Variants in RMND1 observed in about 807,000 individuals in gnomAD.
RMND1 encodes the protein required for meiotic nuclear division 1 homolog.
A neutral mutation model predicts 54.0 loss-of-function variants in RMND1; 41 were observed. That is an observed-to-expected ratio of 0.76 (90% CI 0.59 to 0.98). The LOEUF is 0.98. Ranked by LOEUF, RMND1 falls within the 50% of genes least tolerant of loss-of-function variation. The pLI is 0.00. For missense variants in RMND1, 457 were observed against 532.0 expected, an observed-to-expected ratio of 0.86 and a Z score of 1.39; for synonymous variants, 183 against 181.7, an observed-to-expected ratio of 1.01 and a Z score of -0.06.
intron 1 of RMND1, among the ~76,000 whole-genome samples, chr6:151,450,545 C>G (rs1447916574): frequency 6.8e-6 from 1 of 147,472 alleles, no homozygotes; most frequent in South Asian, 2.2e-4. Context: ...GTCAGCCCCC[C>G]GCCCGGCCAG....
intron 6 of RMND1, among the ~76,000 whole-genome samples, 166 bp from the exon 7 acceptor site, chr6:151,423,797 GT>G (rs1780218365): frequency 6.6e-6 from 1 of 151,240 alleles, no homozygotes; most frequent in South Asian, 2.1e-4. Context: ...CTTTCTAGGA[GT>G]TTATCCTAAG....
chr6:151,426,417 AT>A (rs986259815), intron 6 of RMND1, among the ~76,000 whole-genome samples: 4 of 151,966 alleles, frequency 2.6e-5, no homozygotes, highest in Admixed American at 6.6e-5. Flanking sequence ...TTGCCTACCC[AT>A]TTATCTTAGT....
chr6:151,437,155 A>G (rs917783344), intron 2 of RMND1, among the ~76,000 whole-genome samples: 1 of 152,218 alleles, frequency 6.6e-6, no homozygotes, highest in East Asian at 1.9e-4. Context: ...GTGTCTATAT[A>G]AAATACAGAT....
intron 1 of RMND1, among the ~76,000 whole-genome samples, chr6:151,451,794 T>G (rs949366014): frequency 7.9e-5 from 12 of 152,156 alleles, no homozygotes; most frequent in African/African-American, 2.9e-4. Flanking sequence ...AATTATTTTA[T>G]CGATTTCTAC....
At chr6:151,425,443 G>T (rs1452137006) in intron 6 of RMND1, among the ~76,000 whole-genome samples, 1 of 150,808 alleles carries the variant, frequency 6.6e-6, no homozygotes, top group Non-Finnish European at 1.5e-5. Flanking sequence ...TGTGTGTGTG[G>T]ATAAGCGTAC....
At chr6:151,450,814 GA>G (rs1427574979) in intron 1 of RMND1, among the ~76,000 whole-genome samples, 1 of 152,188 alleles carries the variant, frequency 6.6e-6, no homozygotes, top group Non-Finnish European at 1.5e-5. Flanking sequence ...TGTCTGTGTA[GA>G]AAGAAGTAGA....
At chr6:151,415,134 C>T (rs192252607) in intron 10 of RMND1, among the ~76,000 whole-genome samples, 1 of 151,674 alleles carries the variant, frequency 6.6e-6, no homozygotes, top group Non-Finnish European at 1.5e-5. Flanking sequence ...ATACAACAGA[C>T]TTTGCTTTTC....
At chr6:151,450,059 CCTGGCCCCCCATCGT>C (rs1266166747) in intron 1 of RMND1, among the ~76,000 whole-genome samples, 19 of 152,284 alleles carry the variant, frequency 1.2e-4, no homozygotes, top group Admixed American at 7.8e-4. Context: ...GCAGCCTCTG[CCTGGCCCCCCATCGT>C]CTGGGACGTG....
rs1430670090 is a variant in RMND1 at position 151,445,347 on chromosome 6, C to T, written c.465G>A (p.Gln155=). 1.2e-6 allele frequency: 2 copies of T among 1,613,120 alleles called. No homozygotes were observed. Among genetic ancestry groups the T allele is most frequent in the African/African-American group, 1.3e-5 (1 of 74,836 alleles). The change falls in exon 2 of 12, where the codon CAG becomes CAA. Residue 155 remains glutamine (Q), a synonymous_variant. Coordinates refer to ENST00000444024, the MANE Select transcript of RMND1 (RefSeq NM_017909.4). ...GAACTGGAAGGTTGGTCCTGGATGG[C>T]TGTCTGGTCCTGGATGCTTTTAGTG... ...KRPLKASRTR[Q]PSRTNLPVLS...
intron 9 of RMND1, among the ~76,000 whole-genome samples, 189 bp from the exon 10 acceptor site, chr6:151,417,588 T>C (rs1042340954): frequency 6.6e-6 from 1 of 152,020 alleles, no homozygotes; most frequent in Non-Finnish European, 1.5e-5. Flanking sequence ...ACTCCTGGGC[T>C]CAAGCTGTTC....
At chr6:151,450,148 C>T (rs1331399533) in intron 1 of RMND1, among the ~76,000 whole-genome samples, 1 of 121,888 alleles carries the variant, frequency 8.2e-6, no homozygotes, top group Non-Finnish European at 1.7e-5. Flanking sequence ...GGCCGCCATC[C>T]CATCTAGGAA....
At chr6:151,429,801 A>G (rs1275111347) in intron 5 of RMND1, among the ~76,000 whole-genome samples, 1 of 152,226 alleles carries the variant, frequency 6.6e-6, no homozygotes, top group Non-Finnish European at 1.5e-5. Flanking sequence ...AGACAACTTG[A>G]CTTAAAAGAA....
intron 10 of RMND1, among the ~76,000 whole-genome samples, chr6:151,410,333 G>A (rs1163942823): frequency 6.6e-6 from 1 of 152,080 alleles, no homozygotes; most frequent in Non-Finnish European, 1.5e-5. Flanking sequence ...GGGATTACAG[G>A]CATGAGCCAC....
chr6:151,407,831 C>T (rs1649756353), intron 10 of RMND1, among the ~76,000 whole-genome samples: 1 of 151,980 alleles, frequency 6.6e-6, no homozygotes, highest in African/African-American at 2.4e-5. Context: ...AGTGTGAACC[C>T]AGCCGGGAGG....
chr6:151,436,082 GCAA>G (rs1780597826), intron 3 of RMND1, among the ~76,000 whole-genome samples: 1 of 146,770 alleles, frequency 6.8e-6, no homozygotes, highest in Admixed American at 6.9e-5. Context: ...TCCAGCCTGG[GCAA>G]CAAGAGTGAA....
intron 10 of RMND1, among the ~76,000 whole-genome samples, chr6:151,408,113 G>A (rs183220817): frequency 6.6e-6 from 1 of 152,104 alleles, no homozygotes; most frequent in Non-Finnish European, 1.5e-5. Context: ...GGGGGATGAA[G>A]GGAGCATGTC....
intron 3 of RMND1, among the ~76,000 whole-genome samples, chr6:151,435,499 T>A (rs1407347386): frequency 6.6e-6 from 1 of 152,030 alleles, no homozygotes; most frequent in Admixed American, 6.6e-5. Context: ...TCCTTCCTGA[T>A]TTCACCATAA....
intron 11 of RMND1, among the ~76,000 whole-genome samples, 164 bp from the exon 12 acceptor site, chr6:151,405,431 A>G (rs371455244): frequency 1.3e-5 from 2 of 152,312 alleles, no homozygotes; most frequent in South Asian, 4.1e-4. Context: ...GCTTGATTTG[A>G]TGTTGAGCTG....
intron 7 of RMND1, among the ~76,000 whole-genome samples, chr6:151,423,263 AAAAC>A (rs1379624073): frequency 6.6e-6 from 1 of 152,200 alleles, no homozygotes; most frequent in African/African-American, 2.4e-5. Context: ...AGAAGAGAAA[AAAAC>A]AAAGGCTAAT....
Sources: gnomAD v4.1 joint callset for allele counts (sites outside exome capture counted in the v4.1 genomes callset) on GRCh38, gnomAD v4.1.1 for gene constraint, MANE v1.5 for transcripts, NCBI Gene and HGNC (gene_info 2026-07-23, HGNC 2026-07-21) for gene names.